Variants in FARP1 observed in about 807,000 individuals in gnomAD.
FARP1 encodes FERM, ARHGEF and pleckstrin domain-containing protein 1.
A neutral mutation model predicts 128.8 loss-of-function variants in FARP1; 52 were observed. The ratio of observed to expected loss-of-function variants is 0.40; its 90% CI spans 0.32 to 0.51. The LOEUF (loss-of-function observed/expected upper bound fraction) is 0.51. Ranked by LOEUF, FARP1 falls within the 20% of genes least tolerant of loss-of-function variation. FARP1 has a pLI of 0.45. For synonymous variants in FARP1, 580 were observed against 551.8 expected (o/e 1.05, Z -0.72); for missense variants, 1,333 against 1,367.9 (o/e 0.97, Z 0.40).
chr13:98,268,818 G>GTGTA lies in FARP1; in HGVS notation c.171+55406_171+55407insGTAT, dbSNP rs901859010. 1.6e-4 allele frequency among the ~76,000 whole-genome samples: 23 copies of GTGTA among 144,504 alleles called. No individual in the cohort carries two copies. The East Asian group carries it at 2.3e-3, about 14-fold the overall frequency. 94.8% of individuals were successfully genotyped at this position (144,504 alleles called of 152,430 possible). A position where few individuals can be genotyped will look rare whatever the true frequency, so the allele number is the denominator to read the frequency against. On this transcript the variant is annotated intron_variant, in intron 2 of 26. Coordinates refer to ENST00000319562, the MANE Select transcript of FARP1 (RefSeq NM_005766.4). Reference sequence around the variant, plus strand: ...TGTGTGTGTGTGTGTGTGTGTGTGTGTATACAGCTTCCCAAGTAGCTGAGA... The same window carrying GTGTA: ...TGTGTGTGTGTGTGTGTGTGTGTGTGTGTATATACAGCTTCCCAAGTAGCTGAGA...
At chr13:98,429,305 G>A (rs1408276647) in intron 17 of FARP1, among the ~76,000 whole-genome samples, 3 of 152,256 alleles carry the variant, frequency 2.0e-5, no homozygotes, top group South Asian at 4.2e-4. Context: ...AGAGTGTGCC[G>A]CATTTGGATG....
At chr13:98,428,692 C>T (rs534223526) in intron 17 of FARP1, among the ~76,000 whole-genome samples, 2 of 152,210 alleles carry the variant, frequency 1.3e-5, no homozygotes, top group African/African-American at 4.8e-5. Context: ...TTCCGGCCAC[C>T]GTCAACTCAT....
intron 1 of FARP1, chr13:98,159,432 A>T (rs1876716815): frequency 6.6e-6 from 1 of 151,144 alleles, no homozygotes; most frequent in African/African-American, 2.4e-5. Flanking sequence ...TTTATTGAAA[A>T]TTTTATTGCT....
At position 98,212,616 on chromosome 13, in the gene FARP1, TG is replaced by T. The variant is rs376535824; in HGVS notation, c.-23-597del. On this transcript the variant is annotated intron_variant, in intron 1 of 26. Coordinates refer to ENST00000319562, the MANE Select transcript of FARP1 (RefSeq NM_005766.4). ...GGCTTCTTGGGAAAGGGGAAATAGT[TG>T]GGGGGGTGGGTGGCTGGAAAGAAAT... Among the ~76,000 whole-genome samples, 29 of 54,784 alleles carry T rather than the reference TG, an allele frequency of 5.3e-4. No homozygotes were observed. The East Asian group carries it at 0.013, about 24-fold the overall frequency. 35.9% of individuals were successfully genotyped at this position (54,784 alleles called of 152,430 possible). A position where few individuals can be genotyped will look rare whatever the true frequency, so the allele number is the denominator to read the frequency against.
At chr13:98,271,164 A>C (rs1884370862) in intron 2 of FARP1, among the ~76,000 whole-genome samples, 1 of 152,216 alleles carries the variant, frequency 6.6e-6, no homozygotes, top group African/African-American at 2.4e-5. Flanking sequence ...AACACCTGAG[A>C]GTCTGCTCTG....
chr13:98,358,928 C>T (rs1305151882), intron 3 of FARP1, among the ~76,000 whole-genome samples: 9 of 152,228 alleles, frequency 5.9e-5, no homozygotes, highest in South Asian at 2.1e-4. Context: ...TGAGGCACCG[C>T]GCACGGCTCT....
At chr13:98,399,506 G>A (rs1342478631) in intron 13 of FARP1, 3 of 152,280 alleles carry the variant, frequency 2.0e-5, no homozygotes, top group Admixed American at 1.3e-4. Context: ...ACTAAGAGTG[G>A]AGGAAGGCCA....
chr13:98,282,739 C>A (rs903715510), intron 2 of FARP1, among the ~76,000 whole-genome samples: 9 of 152,016 alleles, frequency 5.9e-5, no homozygotes, highest in Non-Finnish European at 1.2e-4. Flanking sequence ...CCTGTCTCTA[C>A]TAAAAATACA....
chr13:98,210,480 C>G (rs189157074), intron 1 of FARP1, among the ~76,000 whole-genome samples: 62 of 152,248 alleles, frequency 4.1e-4, no homozygotes, highest in African/African-American at 1.4e-3. Flanking sequence ...ACACCTCCCC[C>G]TCCTACTTCC....
intron 3 of FARP1, among the ~76,000 whole-genome samples, chr13:98,352,023 T>A (rs551824589): frequency 1.3e-3 from 195 of 152,236 alleles, no homozygotes; most frequent in Admixed American, 4.6e-3. Context: ...GATATGCAGT[T>A]CTAAGAAGGT....
chr13:98,278,991 A>ATTTTTT (rs1159451553), intron 2 of FARP1, among the ~76,000 whole-genome samples: 1,752 of 131,930 alleles, frequency 0.013, 28 homozygotes, highest in African/African-American at 0.039. Flanking sequence ...ACGCCCTGCT[A>ATTTTTT]ATTTTTTTTT....
Position 98,280,564 on chromosome 13 carries a change from T to C in FARP1, c.172-63198T>C, listed in dbSNP as rs185762265. ...GCACAGAGCCTGGCCGGACACCCGG[T>C]GTACTGTCAGCACCCACGACTGTGG... On this transcript the variant is annotated intron_variant, in intron 2 of 26. Coordinates refer to ENST00000319562, the MANE Select transcript of FARP1 (RefSeq NM_005766.4). Among the ~76,000 whole-genome samples, 6 of 152,342 alleles carry C rather than the reference T, an allele frequency of 3.9e-5. No individual in the cohort carries two copies. The East Asian group carries it at 9.7e-4, about 25-fold the overall frequency.
At chr13:98,264,927 C>T (rs941612985) in intron 2 of FARP1, among the ~76,000 whole-genome samples, 1 of 152,202 alleles carries the variant, frequency 6.6e-6, no homozygotes, top group African/African-American at 2.4e-5. Context: ...GTCCACGCCA[C>T]CTCTGTACCT....
intron 2 of FARP1, among the ~76,000 whole-genome samples, chr13:98,219,867 C>G (rs1268980994): frequency 6.6e-6 from 1 of 151,776 alleles, no homozygotes; most frequent in Non-Finnish European, 1.5e-5. Context: ...AGGGGTCTCG[C>G]TATGTTGCCC....
chr13:98,174,773 C>A (rs531380019), intron 1 of FARP1, among the ~76,000 whole-genome samples: 1 of 152,134 alleles, frequency 6.6e-6, no homozygotes, highest in South Asian at 2.1e-4. Flanking sequence ...AGGCACTGTT[C>A]TAAATATGTT....
intron 2 of FARP1, among the ~76,000 whole-genome samples, chr13:98,285,136 G>A (rs1293405246): frequency 6.6e-6 from 1 of 152,128 alleles, no homozygotes; most frequent in Non-Finnish European, 1.5e-5. Flanking sequence ...ATTCAATCAA[G>A]CAGGCAGTCT....
intron 3 of FARP1, among the ~76,000 whole-genome samples, chr13:98,351,727 T>A (rs1466477595): frequency 6.6e-6 from 1 of 151,182 alleles, no homozygotes; most frequent in African/African-American, 2.4e-5. Flanking sequence ...GAAGGTGAAG[T>A]AGGAACAGGC....
At chr13:98,283,079 A>G (rs1181657034) in intron 2 of FARP1, among the ~76,000 whole-genome samples, 2 of 152,168 alleles carry the variant, frequency 1.3e-5, no homozygotes, top group South Asian at 4.1e-4. Flanking sequence ...TCTCTGTATA[A>G]TGAAGGACTT....
intron 5 of FARP1, among the ~76,000 whole-genome samples, chr13:98,369,735 T>C (rs1889251242): frequency 6.6e-6 from 1 of 152,204 alleles, no homozygotes; most frequent in Non-Finnish European, 1.5e-5. Flanking sequence ...ATGGTGTATG[T>C]GTGCCACATT....
Sources: allele counts gnomAD v4.1 joint callset (sites outside exome capture counted in the v4.1 genomes callset), GRCh38; gene constraint gnomAD v4.1.1; transcripts MANE v1.5; gene names NCBI Gene and HGNC (gene_info 2026-07-23, HGNC 2026-07-21).